The following BTNL2 variants were observed in gnomAD, a reference collection of about 807,000 sequenced individuals.
BTNL2 encodes the protein butyrophilin-like protein 2.
In BTNL2, 46 loss-of-function variants were observed where a neutral mutation model predicts 46.8. The observed-to-expected ratio is 0.98, with a 90% CI of 0.78 to 1.26. The LOEUF is 1.26. BTNL2 is among the 50% of genes most tolerant of loss of function. The pLI is 0.00. For missense variants in BTNL2, 461 were observed against 592.6 expected (o/e 0.78, Z 2.31); for synonymous variants, 226 against 229.1 (o/e 0.99, Z 0.12).
In BTNL2 at chr6:32,400,246, C is replaced by A. The variant is rs76272418; in HGVS notation, c.730+1539G>T. On this transcript the variant is annotated intron_variant, in intron 4 of 7. Coordinates refer to ENST00000454136, the MANE Select transcript of BTNL2 (RefSeq NM_001304561.2). ...TTATGGCCTAATGGGGTTGAAGGTG[C>A]CATAGTAGACTCTGGTAGAGATTGG... Among the ~76,000 whole-genome samples the A allele has an allele frequency of 3.0e-4, 46 of 152,202 alleles. No homozygotes were observed. The East Asian group carries it at 8.3e-3, about 27-fold the overall frequency.
At chr6:32,401,901 A>G (rs1583265983) in intron 3 of BTNL2, 96 bp from the exon 4 acceptor site, 5 of 982,784 alleles carry the variant, frequency 5.1e-6, no homozygotes, top group Middle Eastern at 2.7e-4. Context: ...TACATTATAT[A>G]GGGAAGCTCA....
At position 32,395,028 on chromosome 6, in the gene BTNL2, G is replaced by A; in HGVS notation, c.1079-3C>T. ...GATCAGTGGGGAAGAACCCAGACCT[G>A]GGGCAGAGAAAGCAACCAAAGCCTG... On this transcript the variant is annotated splice_polypyrimidine_tract_variant and splice_region_variant and intron_variant, in intron 5 of 7. Transcript: ENST00000454136. 1.3e-6 allele frequency: 2 copies of A among 1,552,336 alleles called. No homozygotes were observed. The highest frequency in any genetic ancestry group is 1.9e-5 in the Admixed American group (1 of 51,364).
intron 1 of BTNL2, chr6:32,406,354 C>G (rs9268491): frequency 0.24 from 36,317 of 152,234 alleles, 4,547 homozygotes; most frequent in Admixed American, 0.29. Flanking sequence ...AGCTCTGCAG[C>G]GCCAAGGCAG....
chr6:32,397,890 C>T (rs117632444), intron 4 of BTNL2, among the ~76,000 whole-genome samples: 1,864 of 152,312 alleles, frequency 0.012, 69 homozygotes, highest in East Asian at 0.11. Context: ...GGTCCAGCCG[C>T]TATATTTTAT....
At position 32,393,942 on chromosome 6, in the gene BTNL2, G is replaced by A; in HGVS notation, c.*6+21C>T. ...GGTTCCCACTGCAGTGTGCTCCGCT[G>A]TTTCTGTTTCCCTGACTTACCTCTT... On this transcript the variant is annotated intron_variant, in intron 7 of 7. Transcript: ENST00000454136. The surrounding 1 kb of genome is among the most constrained non-coding windows in gnomAD (Gnocchi z 4.8). The A allele has an allele frequency of 6.5e-7, 1 of 1,548,720 alleles. No homozygotes were observed. Among genetic ancestry groups the A allele is most frequent in the Admixed American group, 2.0e-5 (1 of 50,862 alleles).
chr6:32,396,236 T>A lies in BTNL2; in HGVS notation c.881A>T (p.Tyr294Phe), dbSNP rs1776446169. ...RSHRYPAVHV[Y>F]MDGDHVAGEQ... is the part of the protein sequence containing the mutation. ...TCCAGCCACATGGTCCCCATCCATA[T>A]ACACATGCACAGCAGGGTAACGGTG... is the stretch of plus-strand genomic sequence containing the variant. Residue 294 changes from tyrosine (Y) to phenylalanine (F), a missense_variant, in exon 5 of 8, where the codon TAT (tyrosine) becomes TTT (phenylalanine). Coordinates refer to ENST00000454136, the MANE Select transcript of BTNL2 (RefSeq NM_001304561.2). The surrounding 1 kb of genome is among the most constrained non-coding windows in gnomAD (Gnocchi z 4.4). 6.8e-6 allele frequency: 11 copies of A among 1,613,096 alleles called. No homozygotes were observed. Among genetic ancestry groups the A allele is most frequent in the African/African-American group, 1.3e-5 (1 of 75,056 alleles).
Position 32,396,283 on chromosome 6 carries a change from C to T in BTNL2, c.834G>A (p.Met278Ile). The change falls in exon 5 of 8, where the codon ATG becomes ATA. Residue 278 changes from methionine (M) to isoleucine (I), a missense_variant. Transcript: ENST00000454136. The surrounding 1 kb of genome is among the most constrained non-coding windows in gnomAD (Gnocchi z 4.4). ...GGTGGGATCGGTCCCACCTCACCTC[C>T]ATGCTCTGTGCATTCGCCTTGGGGG... Reference protein sequence around the residue: ...YLSPKANAQSMEVRWDRSHRY... With the variant: ...YLSPKANAQSIEVRWDRSHRY... The T allele has an allele frequency of 6.2e-7, 1 of 1,613,064 alleles. No homozygotes were observed. Among genetic ancestry groups the T allele is most frequent in the Non-Finnish European group, 8.5e-7 (1 of 1,179,982 alleles).
At position 32,400,821 on chromosome 6, in the gene BTNL2, G is replaced by A. The variant is rs1488324893; in HGVS notation, c.730+964C>T. ...CCAGTTACTCAGGAGGCTGAAGCAG[G>A]AGAATAGCTTGAATCCAGGAGATGG... On this transcript the variant is annotated intron_variant, in intron 4 of 7. Coordinates refer to ENST00000454136, the MANE Select transcript of BTNL2 (RefSeq NM_001304561.2). Among the ~76,000 whole-genome samples, 2 of 146,266 alleles carry A rather than the reference G, an allele frequency of 1.4e-5. 1 individual carries two copies. The highest frequency in any genetic ancestry group is 4.4e-4 in the South Asian group (2 of 4,526).
intron 4 of BTNL2, 82 bp downstream of exon 4, chr6:32,401,703 A>G (rs920835547): frequency 5.4e-5 from 73 of 1,359,804 alleles, no homozygotes; most frequent in Non-Finnish European, 6.6e-5. Flanking sequence ...TCTGGGTCAC[A>G]TGGTCTCGTG....
At chr6:32,404,060 C>T (rs1776959858) in intron 2 of BTNL2, among the ~76,000 whole-genome samples, 2 of 152,022 alleles carry the variant, frequency 1.3e-5, no homozygotes, top group Admixed American at 6.6e-5. Flanking sequence ...ATATGTATTC[C>T]TCCATCCATT....
intron 1 of BTNL2, among the ~76,000 whole-genome samples, chr6:32,405,820 T>G (rs1409485295): frequency 7.1e-6 from 1 of 140,518 alleles, no homozygotes; most frequent in African/African-American, 2.7e-5. Flanking sequence ...TTTTTTTTGT[T>G]TTTTTTTTGT....
chr6:32,405,509 G>A (rs7747412), intron 1 of BTNL2: 10,130 of 619,742 alleles, frequency 0.016, 243 homozygotes, highest in African/African-American at 0.081. Flanking sequence ...TGAGGTTGCT[G>A]TCTGTCACCT....
rs1274001832 is a variant in BTNL2 at position 32,394,910 on chromosome 6, T to C, written c.1194A>G (p.Glu398=). Residue 398 remains glutamate, a synonymous_variant, in exon 6 of 8, where the codon GAA becomes GAG. Transcript: ENST00000454136. The surrounding 1 kb of genome is among the most constrained non-coding windows in gnomAD (Gnocchi z 4.6). ...PQPHVPWRDM[E]GKTIPSSSQA... The stretch of plus-strand genomic sequence containing the variant: ...GGGAAGATGATGGTATCGTCTTTCC[T>C]TCCATGTCCCTCCATGGCACGTGGG... 4 of 1,614,206 alleles carry C rather than the reference T, an allele frequency of 2.5e-6. No homozygotes were observed. The highest frequency in any genetic ancestry group is 3.4e-6 in the Non-Finnish European group (4 of 1,180,024).
Position 32,405,136 on chromosome 6 carries a change from T to C in BTNL2, c.230A>G (p.His77Arg). 4 of 1,613,090 alleles carry C rather than the reference T, an allele frequency of 2.5e-6. No homozygotes were observed. Among genetic ancestry groups the C allele is most frequent in the Non-Finnish European group, 3.4e-6 (4 of 1,180,038 alleles). ...CTCAGTCACCTCCACTCCATCCCTG[T>C]GCACAAACACAGGTGTGCTGGGCTC... ...RSEPSTPVFV[H>R]RDGVEVTEMQ... The change falls in exon 2 of 8, where the codon CAC becomes CGC. Residue 77 changes from histidine to arginine, a missense_variant. His to Arg is a conservative substitution (Grantham distance 29, BLOSUM62 0). Transcript: ENST00000454136.
chr6:32,403,183 C>T lies in BTNL2; in HGVS notation c.461G>A (p.Gly154Glu). The stretch of plus-strand genomic sequence containing the variant: ...AAGCTGGACTCCACTCTCCCCAGGT[C>T]CCTCCATGTGGATGCTAGGGGCAGA... ...LGSAPSIHME[G>E]PGESGVQLVC... Residue 154 changes from glycine to glutamate, a missense_variant, in exon 3 of 8, where the codon GGA (glycine) becomes GAA (glutamate). Gly to Glu is a moderately conservative substitution (Grantham distance 98). Transcript: ENST00000454136. 1 of 1,609,286 alleles carries T rather than the reference C, an allele frequency of 6.2e-7. No homozygotes were observed. The highest frequency in any genetic ancestry group is 8.5e-7 in the Non-Finnish European group (1 of 1,178,986).
In BTNL2 at chr6:32,403,197, GC is replaced by G; in HGVS notation, c.446del (p.Ser149ThrfsTer98). The G allele has an allele frequency of 6.2e-7, 1 of 1,608,452 alleles. No homozygotes were observed. Among genetic ancestry groups the G allele is most frequent in the South Asian group, 1.1e-5 (1 of 90,406 alleles). ...LKVAGLGSAP[S>X]IHMEGPGESG... is the part of the protein sequence containing the mutation. ...TCTCCCCAGGTCCCTCCATGTGGAT[GC>G]TAGGGGCAGACCCCAGACCTGCAGA... On this transcript the variant is annotated frameshift_variant, in exon 3 of 8. Transcript: ENST00000454136. LOFTEE classifies it high-confidence loss of function.
At position 32,396,413 on chromosome 6, in the gene BTNL2, A is replaced by G. The variant is rs28366191; in HGVS notation, c.731-27T>C. On this transcript the variant is annotated intron_variant, in intron 4 of 7. Transcript: ENST00000454136. This position sits in a 1 kb window ranked among gnomAD's most constrained non-coding sequence, Gnocchi z 4.4. ...TGTTAAATAGAGTGGACAAAACACA[A>G]TGAAAGAATCAAAATGGAACCAATA... is the stretch of plus-strand genomic sequence containing the variant. The G allele has an allele frequency of 0.066, 104,867 of 1,581,338 alleles. 4,117 individuals are homozygous for G. The highest frequency in any genetic ancestry group is 0.073 in the Non-Finnish European group (84,346 of 1,156,012).
At chr6:32,401,705 G>T (rs958967804) in intron 4 of BTNL2, 80 bp downstream of exon 4, 13 of 1,366,206 alleles carry the variant, frequency 9.5e-6, no homozygotes, top group South Asian at 1.4e-5. Context: ...TGGGTCACAT[G>T]GTCTCGTGGT....
At chr6:32,400,912 C>CAAAAAA (rs760395296) in intron 4 of BTNL2, among the ~76,000 whole-genome samples, 5,643 of 92,422 alleles carry the variant, frequency 0.061, 173 homozygotes, top group Non-Finnish European at 0.078. Flanking sequence ...GACTCCGTCT[C>CAAAAAA]AAAAAAAAAA....
Sources: allele counts gnomAD v4.1 joint callset (sites outside exome capture counted in the v4.1 genomes callset), GRCh38; gene constraint gnomAD v4.1.1; non-coding constraint Gnocchi (gnomAD v3.1); transcripts MANE v1.5; gene names NCBI Gene and HGNC (gene_info 2026-07-23, HGNC 2026-07-21).